Variants in SESN2 observed in about 807,000 individuals in gnomAD.
SESN2 encodes the protein sestrin 2, also known as sestrin-2.
Under a neutral mutation model 56.0 loss-of-function variants are expected in SESN2, and 42 were observed. The ratio of observed to expected loss-of-function variants is 0.75; its 90% confidence interval spans 0.59 to 0.97. SESN2 has a LOEUF of 0.97. SESN2 is among the 50% of genes least tolerant of loss of function. SESN2 has a pLI of 0.00. For synonymous variants in SESN2, 264 were observed against 267.1 expected (o/e 0.99, Z 0.11); for missense variants, 507 against 649.4 (o/e 0.78, Z 2.38).
intron 1 of SESN2, among the ~76,000 whole-genome samples, chr1:28,265,690 C>T (rs1292217743): frequency 6.6e-6 from 1 of 152,110 alleles, no homozygotes; most frequent in Non-Finnish European, 1.5e-5. Context: ...CCACTGCGCC[C>T]GGCCTGTTTG....
intron 8 of SESN2, among the ~76,000 whole-genome samples, chr1:28,275,641 A>G (rs1020971165): frequency 2.0e-5 from 3 of 152,066 alleles, no homozygotes; most frequent in African/African-American, 4.8e-5. Flanking sequence ...AATCCCAGCT[A>G]CTCAAGAGGC....
chr1:28,271,851 C>G lies in SESN2; in HGVS notation c.334C>G (p.Arg112Gly), dbSNP rs770770051. 3.7e-6 allele frequency: 6 copies of G among 1,614,134 alleles called. No homozygotes were observed. Among genetic ancestry groups the G allele is most frequent in the Non-Finnish European group, 5.1e-6 (6 of 1,180,036 alleles). ...GGATGGTCCCTTGGCCAGCTCCTGG[C>G]GCCACTACATTGCCATCATGGTGAG... ...HTDGPLASSW[R>G]HYIAIMAAAR... The change falls in exon 3 of 10, where the codon CGC becomes GGC. Residue 112 changes from arginine to glycine, a missense_variant. Transcript: ENST00000253063.
At chr1:28,262,281 C>T (rs1647398934) in intron 1 of SESN2, among the ~76,000 whole-genome samples, 1 of 152,090 alleles carries the variant, frequency 6.6e-6, no homozygotes, top group South Asian at 2.1e-4. Context: ...AGCTCATTGC[C>T]TTCAGATGTG....
chr1:28,259,890 T>C lies in SESN2; in HGVS notation c.43T>C (p.Tyr15His). 6.9e-7 allele frequency: 1 copy of C among 1,451,202 alleles called. No individual in the cohort carries two copies. The highest frequency in any genetic ancestry group is 1.4e-5 in the South Asian group (1 of 72,938). 89.9% of individuals were successfully genotyped at this position (1,451,202 alleles called of 1,614,324 possible). A position where few individuals can be genotyped will look rare whatever the true frequency, so the allele number is the denominator to read the frequency against. Residue 15 changes from tyrosine to histidine, a missense_variant, in exon 1 of 10, where the codon TAC becomes CAC. Physicochemically the swap from Tyr to His is moderately conservative, Grantham distance 83. Coordinates refer to ENST00000253063, the MANE Select transcript of SESN2 (RefSeq NM_031459.5). ...CGAGTGCCGCGCAGAGCTCAAGGAC[T>C]ACCTGCGGTTCGCCCCGGGCGGCGT... ...DSECRAELKDYLRFAPGGVGD... is the reference protein window; with the variant it reads ...DSECRAELKDHLRFAPGGVGD...
chr1:28,266,656 C>T (rs1329696210), intron 1 of SESN2, among the ~76,000 whole-genome samples: 1 of 149,258 alleles, frequency 6.7e-6, no homozygotes, highest in Non-Finnish European at 1.5e-5. Context: ...AACTCCTGGG[C>T]TCAGGCAGTC....
chr1:28,267,162 C>A (rs1313922702), intron 1 of SESN2, among the ~76,000 whole-genome samples: 1 of 152,096 alleles, frequency 6.6e-6, no homozygotes, highest in East Asian at 1.9e-4. Flanking sequence ...TGGGCTTTTT[C>A]TTTGGTGAGG....
In SESN2 at chr1:28,265,375, TC is replaced by T. The variant is rs1647521233; in HGVS notation, c.91-3803del. Among the ~76,000 whole-genome samples the T allele has an allele frequency of 2.0e-5, 3 of 152,114 alleles. No individual in the cohort carries two copies. In the South Asian group the frequency reaches 6.2e-4, roughly 32 times the overall value. On this transcript the variant is annotated intron_variant, in intron 1 of 9. Transcript: ENST00000253063. ...GCGTTCCCTCTGGCTGGAATGCTGGTCCCCCTAGTTTTTGGGGTGTGTGTTT... is the reference window on the plus strand; with the variant it reads ...GCGTTCCCTCTGGCTGGAATGCTGGTCCCCTAGTTTTTGGGGTGTGTGTTT...
intron 8 of SESN2, among the ~76,000 whole-genome samples, chr1:28,276,399 T>G (rs1648041196): frequency 6.6e-6 from 1 of 151,060 alleles, no homozygotes; most frequent in African/African-American, 2.4e-5. Flanking sequence ...GGATCACTTG[T>G]GCCCAAGAGC....
intron 1 of SESN2, among the ~76,000 whole-genome samples, chr1:28,260,172 C>A (rs529480219): frequency 6.6e-6 from 1 of 150,672 alleles, no homozygotes; most frequent in African/African-American, 2.4e-5. Context: ...CCCTCTCCCC[C>A]TCTCCCTCAC....
chr1:28,279,621 C>T (rs1291112919), intron 9 of SESN2, among the ~76,000 whole-genome samples: 1 of 151,938 alleles, frequency 6.6e-6, no homozygotes, highest in African/African-American at 2.4e-5. Context: ...TCTTGGCTCA[C>T]TGCAACTTCC....
In SESN2 at chr1:28,282,343, G is replaced by A. The variant is rs1648278408; in HGVS notation, c.*1541G>A. 6.6e-6 allele frequency: 1 copy of A among 152,248 alleles called. No homozygotes were observed. Among genetic ancestry groups the A allele is most frequent in the Non-Finnish European group, 1.5e-5 (1 of 68,076 alleles). 9.4% of individuals were successfully genotyped at this position (152,248 alleles called of 1,614,324 possible). A position where few individuals can be genotyped will look rare whatever the true frequency, so the allele number is the denominator to read the frequency against. On this transcript the variant is annotated 3_prime_UTR_variant, in exon 10 of 10. Coordinates refer to ENST00000253063, the MANE Select transcript of SESN2 (RefSeq NM_031459.5). ...GCAGGAGAGAAGAGGCCCCGGCATG[G>A]GGATCTGGGTTCTAGAGGGCATGTG...
At chr1:28,268,051 C>T (rs1198183996) in intron 1 of SESN2, among the ~76,000 whole-genome samples, 1 of 152,126 alleles carries the variant, frequency 6.6e-6, no homozygotes, top group Non-Finnish European at 1.5e-5. Context: ...GGGACTGGGC[C>T]AGTTGTATCT....
chr1:28,265,457 G>A (rs1446592975), intron 1 of SESN2, among the ~76,000 whole-genome samples: 2 of 152,066 alleles, frequency 1.3e-5, no homozygotes, highest in Admixed American at 6.6e-5. Flanking sequence ...GCAATGGTGC[G>A]ATCTCAGCTC....
chr1:28,262,293 G>C (rs1371947626), intron 1 of SESN2, among the ~76,000 whole-genome samples: 1 of 152,076 alleles, frequency 6.6e-6, no homozygotes, highest in Non-Finnish European at 1.5e-5. Flanking sequence ...TCAGATGTGT[G>C]TATCTTCAGA....
chr1:28,260,631 A>G (rs1273694183), intron 1 of SESN2, among the ~76,000 whole-genome samples: 1 of 152,160 alleles, frequency 6.6e-6, no homozygotes, highest in Non-Finnish European at 1.5e-5. Flanking sequence ...CGCCCTGCTA[A>G]GTAAGTGGTC....
rs368963626 is a variant in SESN2 at position 28,272,397 on chromosome 1, G to A, written c.468G>A (p.Leu156=). The change falls in exon 4 of 10, where the codon CTG becomes CTA. Residue 156 remains leucine (L), a synonymous_variant. Coordinates refer to ENST00000253063, the MANE Select transcript of SESN2 (RefSeq NM_031459.5). ...LLGLHRAPEK[L]RKLSEINKLL... Reference sequence around the variant, plus strand: ...GCCTCCACCGGGCCCCCGAGAAGCTGCGCAAACTCAGCGAGATCAACAAGT... The same window carrying A: ...GCCTCCACCGGGCCCCCGAGAAGCTACGCAAACTCAGCGAGATCAACAAGT... 1.1e-4 allele frequency: 180 copies of A among 1,613,592 alleles called. 1 individual carries two copies. The Middle Eastern group carries it at 5.1e-3, about 46-fold the overall frequency.
chr1:28,263,145 G>A (rs1425263134), intron 1 of SESN2, among the ~76,000 whole-genome samples: 1 of 152,202 alleles, frequency 6.6e-6, no homozygotes. Context: ...GTGACTAGTT[G>A]CCCCTTGCTG....
chr1:28,273,023 CTG>C (rs761454361), intron 5 of SESN2, among the ~76,000 whole-genome samples: 11 of 152,182 alleles, frequency 7.2e-5, no homozygotes, highest in Admixed American at 1.3e-4. Flanking sequence ...GTGACTGACA[CTG>C]TGTATATGCC....
At position 28,264,765 on chromosome 1, in the gene SESN2, G is replaced by T. The variant is rs1647501153; in HGVS notation, c.91-4418G>T. ...ACTAGAGACTCACATTTCTTGGACA[G>T]TACAGATATAAAACATTCCATCATC... On this transcript the variant is annotated intron_variant, in intron 1 of 9. Coordinates refer to ENST00000253063, the MANE Select transcript of SESN2 (RefSeq NM_031459.5). Among the ~76,000 whole-genome samples the T allele has an allele frequency of 2.0e-5, 3 of 152,222 alleles. No individual in the cohort carries two copies. The South Asian group carries it at 6.2e-4, about 31-fold the overall frequency.
Sources: gnomAD v4.1 joint callset for allele counts (sites outside exome capture counted in the v4.1 genomes callset) on GRCh38, gnomAD v4.1.1 for gene constraint, MANE v1.5 for transcripts, NCBI Gene and HGNC (gene_info 2026-07-23, HGNC 2026-07-21) for gene names.